Variants in SIMC1 observed in about 807,000 individuals in gnomAD.
The protein encoded by SIMC1 is SUMO interacting motifs containing 1, also known as SUMO-interacting motif-containing protein 1.
In SIMC1, 55 loss-of-function variants were observed where a neutral mutation model predicts 82.3. The ratio of observed to expected loss-of-function variants is 0.67; its 90% CI spans 0.54 to 0.84. The LOEUF is 0.84. Ranked by LOEUF, SIMC1 falls within the 40% of genes least tolerant of loss-of-function variation. The pLI is 0.00. For missense variants in SIMC1, 915 were observed against 1,107.2 expected (o/e 0.83, Z 2.46); for synonymous variants, 353 against 426.3 (o/e 0.83, Z 2.12).
intron 1 of SIMC1, among the ~76,000 whole-genome samples, chr5:176,250,478 C>G (rs1761612566): frequency 1.3e-5 from 2 of 152,066 alleles, no homozygotes; most frequent in South Asian, 4.1e-4. Context: ...CTATTAGGTC[C>G]ACTTGTTCCA....
At chr5:176,286,030 G>C (rs1255020697) in intron 1 of SIMC1, among the ~76,000 whole-genome samples, 1 of 152,166 alleles carries the variant, frequency 6.6e-6, no homozygotes, top group African/African-American at 2.4e-5. Flanking sequence ...TGGATAGGAG[G>C]AATCAATATC....
Position 176,290,345 on chromosome 5 carries a change from A to G in SIMC1, c.821A>G (p.Asn274Ser). Reference sequence around the variant, plus strand: ...CAAGAAGTGCCATGCCCTCGGCAGAATATCCCAGGCCCACCTCAAGACTCT... The same window carrying G: ...CAAGAAGTGCCATGCCCTCGGCAGAGTATCCCAGGCCCACCTCAAGACTCT... ...PPQEVPCPRQ[N>S]IPGPPQDSLG... is the part of the protein sequence containing the mutation. Residue 274 changes from asparagine to serine, a missense_variant, in exon 2 of 10, where the codon AAT becomes AGT. Physicochemically the swap from Asn to Ser is conservative, Grantham distance 46. This residue lies in a region of SIMC1 where 902 missense variants were observed against 1,040.3 expected (regional missense o/e 0.87). Transcript: ENST00000429602. 1.2e-6 allele frequency: 2 copies of G among 1,613,986 alleles called. No individual in the cohort carries two copies. Among genetic ancestry groups the G allele is most frequent in the Non-Finnish European group, 8.5e-7 (1 of 1,179,888 alleles).
At chr5:176,282,149 T>C (rs1200175300) in intron 1 of SIMC1, among the ~76,000 whole-genome samples, 1 of 152,230 alleles carries the variant, frequency 6.6e-6, no homozygotes, top group Non-Finnish European at 1.5e-5. Flanking sequence ...GCGCCCCTCC[T>C]GCAGCCTCGC....
At chr5:176,277,096 C>T (rs575871004) in intron 1 of SIMC1, among the ~76,000 whole-genome samples, 1 of 151,872 alleles carries the variant, frequency 6.6e-6, no homozygotes, top group South Asian at 2.1e-4. Context: ...TCTCCACATC[C>T]TCTCCAGCAC....
At chr5:176,270,541 G>A (rs1313737121) in intron 1 of SIMC1, 2 of 152,118 alleles carry the variant, frequency 1.3e-5, no homozygotes, top group African/African-American at 2.4e-5. Context: ...ACAGTACCTG[G>A]TTTTAACATA....
intron 1 of SIMC1, among the ~76,000 whole-genome samples, chr5:176,249,050 G>C (rs191946503): frequency 1.3e-3 from 198 of 152,264 alleles, no homozygotes; most frequent in East Asian, 4.8e-3. Flanking sequence ...AGAGATAATG[G>C]CCTGAAATTT....
chr5:176,313,460 A>T, intron 4 of SIMC1: 1 of 1,550,002 alleles, frequency 6.5e-7, no homozygotes, highest in Non-Finnish European at 8.7e-7. Flanking sequence ...TAATACTTAA[A>T]AAATGGTTTC....
intron 1 of SIMC1, among the ~76,000 whole-genome samples, chr5:176,288,425 A>ATAAATAAATAAATAAG (rs1763393393): frequency 9.2e-6 from 1 of 108,322 alleles, no homozygotes; most frequent in Non-Finnish European, 2.1e-5. Flanking sequence ...GAATGAATGA[A>ATAAATAAATAAATAAG]TAAATAAATA....
chr5:176,305,561 C>G (rs1461976214), intron 4 of SIMC1, among the ~76,000 whole-genome samples: 1 of 139,608 alleles, frequency 7.2e-6, no homozygotes, highest in Non-Finnish European at 1.6e-5. Flanking sequence ...TGGCCAGCCG[C>G]CCCGTCCGGG....
intron 4 of SIMC1, among the ~76,000 whole-genome samples, chr5:176,307,027 G>T (rs1162617011): frequency 2.0e-5 from 3 of 152,150 alleles, no homozygotes; most frequent in Non-Finnish European, 2.9e-5. Context: ...AGATGATATG[G>T]AAATGGCCAA....
chr5:176,246,407 G>GGTGTGTGTGTGTGTGT, intron 1 of SIMC1, among the ~76,000 whole-genome samples: 1 of 137,060 alleles, frequency 7.3e-6, no homozygotes, highest in Non-Finnish European at 1.6e-5. Flanking sequence ...ATAGTTCAGG[G>GGTGTGTGTGTGTGTGT]GTGTGTGTGT....
rs1403265042 is a variant in SIMC1, at chr5:176,296,598, G to A, written c.1734+278G>A. 5 of 456,428 alleles carry A rather than the reference G, an allele frequency of 1.1e-5. No individual in the cohort carries two copies. The Admixed American group carries it at 1.4e-4, about 13-fold the overall frequency. The allele number at this position is 456,428 out of a possible 1,614,324, so 28.3% of individuals were successfully genotyped here. A position where few individuals can be genotyped will look rare whatever the true frequency, so the allele number is the denominator to read the frequency against. ...GCAGGAGGATTGCTTGAGCCTAGGAGGTCAAGGCTATAGTGATCCATGATC... is the reference window on the plus strand; with the variant it reads ...GCAGGAGGATTGCTTGAGCCTAGGAAGTCAAGGCTATAGTGATCCATGATC... On this transcript the variant is annotated intron_variant, in intron 4 of 9. Transcript: ENST00000429602.
chr5:176,344,131 G>A (rs563887280), intron 9 of SIMC1, among the ~76,000 whole-genome samples: 2 of 152,194 alleles, frequency 1.3e-5, no homozygotes, highest in Admixed American at 1.3e-4. Flanking sequence ...TTATCTAATA[G>A]TGTCCCAGTA....
At chr5:176,260,221 G>A (rs1169050880) in intron 1 of SIMC1, among the ~76,000 whole-genome samples, 14 of 152,092 alleles carry the variant, frequency 9.2e-5, no homozygotes, top group Admixed American at 8.5e-4. Context: ...CTCAGGAATG[G>A]AAAACCAAAC....
At chr5:176,338,408 C>T (rs1441998988) in intron 9 of SIMC1, among the ~76,000 whole-genome samples, 1 of 152,122 alleles carries the variant, frequency 6.6e-6, no homozygotes, top group Non-Finnish European at 1.5e-5. Flanking sequence ...GGCTCTAGGA[C>T]ACACTAAGTT....
At chr5:176,327,564 C>T (rs1765448268) in intron 7 of SIMC1, among the ~76,000 whole-genome samples, 1 of 152,276 alleles carries the variant, frequency 6.6e-6, no homozygotes, top group South Asian at 2.1e-4. Flanking sequence ...CCTTCCCAAT[C>T]TGTGTATGCC....
chr5:176,321,253 A>G (rs902824645), intron 5 of SIMC1, among the ~76,000 whole-genome samples: 1 of 152,196 alleles, frequency 6.6e-6, no homozygotes, highest in South Asian at 2.1e-4. Flanking sequence ...GTTTTATAGT[A>G]CCAAGATTTG....
chr5:176,276,982 C>G (rs1762736453), intron 1 of SIMC1, among the ~76,000 whole-genome samples: 1 of 150,862 alleles, frequency 6.6e-6, no homozygotes, highest in Non-Finnish European at 1.5e-5. Flanking sequence ...ATGGCTGGGT[C>G]AAATGGTATT....
intron 4 of SIMC1, among the ~76,000 whole-genome samples, chr5:176,305,853 T>TG (rs1223178948): frequency 1.4e-4 from 4 of 27,588 alleles, no homozygotes; most frequent in Non-Finnish European, 2.8e-4. Context: ...GGGAGGGAGG[T>TG]GGGGGGGGTC....
Sources: gnomAD v4.1 joint callset for allele counts (sites outside exome capture counted in the v4.1 genomes callset) on GRCh38, gnomAD v4.1.1 for gene constraint, gnomAD v4.1.1 regional missense constraint, MANE v1.5 for transcripts, NCBI Gene and HGNC (gene_info 2026-07-23, HGNC 2026-07-21) for gene names.